The following CMSS1 variants were observed in gnomAD, a reference collection of about 807,000 sequenced individuals.
The protein encoded by CMSS1 is protein CMSS1.
CMSS1 carries 33 observed loss-of-function variants against 43.5 expected under a neutral mutation model. That is an observed-to-expected ratio of 0.76 (90% CI 0.57 to 1.01). The LOEUF (loss-of-function observed/expected upper bound fraction) is 1.01, where lower values mean the gene tolerates loss of function less well. CMSS1 is among the 50% of genes least tolerant of loss of function. CMSS1 has a pLI of 0.00. For missense variants in CMSS1, 313 were observed against 326.4 expected, an observed-to-expected ratio of 0.96 and a Z score of 0.32; for synonymous variants, 115 against 117.2, an observed-to-expected ratio of 0.98 and a Z score of 0.12.
chr3:99,898,886 G>A (rs559729226), intron 1 of CMSS1: 2 of 152,110 alleles, frequency 1.3e-5, no homozygotes, highest in African/African-American at 4.8e-5. Context: ...ATTGAATGAG[G>A]TATATTGCAT....
At chr3:99,871,309 CT>C (rs566494884) in intron 1 of CMSS1, among the ~76,000 whole-genome samples, 1 of 151,466 alleles carries the variant, frequency 6.6e-6, no homozygotes, top group African/African-American at 2.4e-5. Flanking sequence ...TGCAGAAACA[CT>C]TTTTTTTTGT....
intron 1 of CMSS1, among the ~76,000 whole-genome samples, chr3:99,927,372 G>GT (rs202105318): frequency 0.02 from 2,817 of 141,380 alleles, 44 homozygotes; most frequent in African/African-American, 0.025. Flanking sequence ...TTTTCTTTCT[G>GT]TTTTTTTTTT....
chr3:99,894,367 C>T (rs1576553927), intron 1 of CMSS1, among the ~76,000 whole-genome samples: 1 of 152,312 alleles, frequency 6.6e-6, no homozygotes, highest in East Asian at 1.9e-4. Context: ...TAGTCTGGTG[C>T]CAGGTCTGGC....
intron 1 of CMSS1, among the ~76,000 whole-genome samples, chr3:99,907,060 A>C (rs1706640685): frequency 6.6e-6 from 1 of 152,196 alleles, no homozygotes; most frequent in Admixed American, 6.5e-5. Context: ...AACCTAAATA[A>C]ACATATTTTT....
chr3:99,961,936 C>T (rs1284682436), intron 1 of CMSS1, among the ~76,000 whole-genome samples: 1 of 152,146 alleles, frequency 6.6e-6, no homozygotes, highest in African/African-American at 2.4e-5. Flanking sequence ...TGATTCCTGC[C>T]CTTCAGGAAC....
intron 1 of CMSS1, among the ~76,000 whole-genome samples, chr3:99,966,013 T>C (rs1708640546): frequency 6.6e-6 from 1 of 152,184 alleles, no homozygotes; most frequent in Admixed American, 6.5e-5. Flanking sequence ...CTGGGTCTTT[T>C]CTTCAGCCTC....
intron 1 of CMSS1, among the ~76,000 whole-genome samples, chr3:100,009,605 A>C (rs1039688042): frequency 2.0e-5 from 3 of 152,234 alleles, no homozygotes; most frequent in Non-Finnish European, 4.4e-5. Flanking sequence ...CATGAACATC[A>C]GTATTCACTT....
chr3:100,172,083 C>T (rs1194610422), intron 7 of CMSS1, 184 bp downstream of exon 7: 1 of 633,396 alleles, frequency 1.6e-6, no homozygotes. Context: ...GTATGGCAGT[C>T]GCTACTGCCA....
intron 1 of CMSS1, among the ~76,000 whole-genome samples, chr3:99,983,886 A>G (rs550467081): frequency 6.6e-5 from 10 of 152,304 alleles, no homozygotes; most frequent in African/African-American, 2.2e-4. Flanking sequence ...AAGAAGTAAC[A>G]GCACAGATTT....
chr3:99,920,387 T>TA (rs1699484657), intron 1 of CMSS1, among the ~76,000 whole-genome samples: 1 of 152,234 alleles, frequency 6.6e-6, no homozygotes, highest in Admixed American at 6.5e-5. Context: ...TTACATTGAC[T>TA]AAAAGTACTG....
At chr3:99,990,681 A>G (rs1576625179) in intron 1 of CMSS1, among the ~76,000 whole-genome samples, 1 of 152,180 alleles carries the variant, frequency 6.6e-6, no homozygotes, top group Admixed American at 6.5e-5. Context: ...GCCTCCTGGT[A>G]TAATTCTGAT....
intron 8 of CMSS1, among the ~76,000 whole-genome samples, chr3:100,172,940 G>A (rs1199053139): frequency 2.6e-5 from 4 of 152,150 alleles, no homozygotes; most frequent in Admixed American, 6.5e-5. Context: ...CTAAGAACCT[G>A]CTAACCTGCC....
At chr3:100,036,163 A>C (rs1380428013) in intron 1 of CMSS1, among the ~76,000 whole-genome samples, 1 of 152,172 alleles carries the variant, frequency 6.6e-6, no homozygotes, top group Non-Finnish European at 1.5e-5. Flanking sequence ...GGCATGAAAA[A>C]TTTCCTAGCT....
At chr3:100,037,115 A>G (rs1249235889) in intron 1 of CMSS1, among the ~76,000 whole-genome samples, 2 of 151,608 alleles carry the variant, frequency 1.3e-5, no homozygotes, top group African/African-American at 4.9e-5. Context: ...TATTGGGACA[A>G]TTGGTAAAAT....
chr3:99,992,805 A>G (rs1709562751), intron 1 of CMSS1, among the ~76,000 whole-genome samples: 1 of 151,978 alleles, frequency 6.6e-6, no homozygotes, highest in Non-Finnish European at 1.5e-5. Context: ...CAGATCTTAC[A>G]TTTAGATCTT....
intron 1 of CMSS1, chr3:99,850,107 A>G: frequency 6.2e-7 from 1 of 1,613,070 alleles, no homozygotes; most frequent in Non-Finnish European, 8.5e-7. Flanking sequence ...CTTGAAGCTG[A>G]GAAGAAGCAG....
At chr3:99,900,869 G>T (rs562580406) in intron 1 of CMSS1, among the ~76,000 whole-genome samples, 60 of 152,320 alleles carry the variant, frequency 3.9e-4, no homozygotes, top group South Asian at 2.1e-3. Flanking sequence ...GTAGCAAAGT[G>T]TTAGAAGCAC....
At chr3:100,138,339 A>G (rs2066772788) in intron 1 of CMSS1, among the ~76,000 whole-genome samples, 1 of 152,226 alleles carries the variant, frequency 6.6e-6, no homozygotes, top group African/African-American at 2.4e-5. Context: ...AAAATTGACA[A>G]ATTAGATCTA....
chr3:100,035,530 T>C (rs899767979), intron 1 of CMSS1, among the ~76,000 whole-genome samples: 4 of 152,168 alleles, frequency 2.6e-5, no homozygotes, highest in Non-Finnish European at 1.5e-5. Flanking sequence ...CCCAAAGTGC[T>C]GCAATTACAG....
Sources: allele counts gnomAD v4.1 joint callset (sites outside exome capture counted in the v4.1 genomes callset), GRCh38; gene constraint gnomAD v4.1.1; transcripts MANE v1.5; gene names NCBI Gene and HGNC (gene_info 2026-07-23, HGNC 2026-07-21).